EXOC4: variants seen among roughly 807,000 people sequenced by gnomAD.
EXOC4 encodes the protein exocyst complex component 4.
EXOC4 carries 71 observed loss-of-function variants against 107.2 expected under a neutral mutation model. That is an observed-to-expected ratio of 0.66 (90% CI 0.55 to 0.81). The LOEUF (loss-of-function observed/expected upper bound fraction) is 0.81. Among genes scored for constraint, EXOC4 ranks in the 30% least tolerant of loss-of-function variants. The pLI, the probability that EXOC4 is intolerant of heterozygous loss-of-function variation, is 0.00. For missense variants in EXOC4, 1,108 were observed against 1,189.6 expected, an observed-to-expected ratio of 0.93 and a Z score of 1.01; for synonymous variants, 456 against 441.2, an observed-to-expected ratio of 1.03 and a Z score of -0.42.
At chr7:133,468,076 C>G (rs1411640347) in intron 7 of EXOC4, among the ~76,000 whole-genome samples, 1 of 151,988 alleles carries the variant, frequency 6.6e-6, no homozygotes, top group African/African-American at 2.4e-5. Flanking sequence ...CATTTGGAAG[C>G]TATTAAACTG....
At position 133,519,434 on chromosome 7, in the gene EXOC4, A is replaced by G. The variant is rs114623907; in HGVS notation, c.1417+39296A>G. Among the ~76,000 whole-genome samples the G allele has an allele frequency of 6.1e-3, 931 of 152,216 alleles. 12 individuals carry two copies. The highest frequency in any genetic ancestry group is 0.021 in the African/African-American group (884 of 41,524). ...TGAGACCCTATCTTAAAAAAAAGGA[A>G]GTATTAGTTACTCATTTAAATGTTT... On this transcript the variant is annotated intron_variant, in intron 9 of 17. Coordinates refer to ENST00000253861, the MANE Select transcript of EXOC4 (RefSeq NM_021807.4).
At chr7:133,553,525 G>A (rs901773903) in intron 9 of EXOC4, among the ~76,000 whole-genome samples, 5 of 151,894 alleles carry the variant, frequency 3.3e-5, no homozygotes, top group Admixed American at 3.3e-4. Context: ...TGCCACCTAC[G>A]TGCCTGTGCA....
Position 133,741,043 on chromosome 7 carries a change from A to G in EXOC4, c.1515-76282A>G, listed in dbSNP as rs1405249811. 2.6e-5 allele frequency among the ~76,000 whole-genome samples: 4 copies of G among 152,362 alleles called. 1 individual carries two copies. Among genetic ancestry groups the G allele is most frequent in the Admixed American group, 2.0e-4 (3 of 15,308 alleles). On this transcript the variant is annotated intron_variant, in intron 10 of 17. Coordinates refer to ENST00000253861, the MANE Select transcript of EXOC4 (RefSeq NM_021807.4). ...CACATACAGGGTAAATACTGGAGCT[A>G]GAACTTAAATCCAGCCCATCTAACA... is the stretch of plus-strand genomic sequence containing the variant.
chr7:133,819,504 C>CATGGATGGATGG (rs59990439), intron 11 of EXOC4, among the ~76,000 whole-genome samples: 16 of 151,616 alleles, frequency 1.1e-4, no homozygotes, highest in African/African-American at 1.5e-4. Context: ...ATGCATGTTG[C>CATGGATGGATGG]ATGGATGGAT....
intron 2 of EXOC4, among the ~76,000 whole-genome samples, chr7:133,281,430 A>G (rs1236071488): frequency 1.3e-5 from 2 of 150,758 alleles, no homozygotes; most frequent in African/African-American, 2.4e-5. Flanking sequence ...CTATGATAGT[A>G]CTTATATGTA....
At chr7:133,268,361 G>C (rs1278328968) in intron 1 of EXOC4, among the ~76,000 whole-genome samples, 1 of 152,194 alleles carries the variant, frequency 6.6e-6, no homozygotes, top group African/African-American at 2.4e-5. Context: ...TAGTATTCTA[G>C]ATTTGGGTTT....
chr7:133,369,962 GC>G lies in EXOC4; in HGVS notation c.1008-4863del, dbSNP rs1035787199. On this transcript the variant is annotated intron_variant, in intron 6 of 17. Transcript: ENST00000253861. ...TGGGATTACAGGCATGCACCATGAC[GC>G]CCAGCTAATTTTGTACTTTTAGTAG... 8.6e-5 allele frequency among the ~76,000 whole-genome samples: 13 copies of G among 151,982 alleles called. No homozygotes were observed. In the East Asian group the frequency reaches 2.5e-3, roughly 30 times the overall value.
intron 7 of EXOC4, among the ~76,000 whole-genome samples, chr7:133,450,183 T>G (rs552479784): frequency 6.6e-6 from 1 of 152,164 alleles, no homozygotes; most frequent in East Asian, 1.9e-4. Context: ...TATTATTATT[T>G]TTTTTTTGAG....
intron 17 of EXOC4, among the ~76,000 whole-genome samples, chr7:134,010,921 C>T (rs1041837245): frequency 6.6e-6 from 1 of 152,040 alleles, no homozygotes; most frequent in African/African-American, 2.4e-5. Flanking sequence ...TTTTCATGCA[C>T]ACCTTCCCTC....
At chr7:133,284,283 A>G (rs1315191240) in intron 2 of EXOC4, among the ~76,000 whole-genome samples, 3 of 152,230 alleles carry the variant, frequency 2.0e-5, no homozygotes, top group Admixed American at 2.0e-4. Context: ...ACTCTTGATC[A>G]GGAGCCTAGT....
Position 133,858,840 on chromosome 7 carries a change from A to G in EXOC4, c.1735-36759A>G, listed in dbSNP as rs898026599. Among the ~76,000 whole-genome samples, 48 of 152,066 alleles carry G rather than the reference A, an allele frequency of 3.2e-4. 2 individuals carry two copies. The highest frequency in any genetic ancestry group is 1.1e-3 in the African/African-American group (47 of 41,396). ...CAATGTTACAGTCTTAGGTACCTCT[A>G]TGCTTCATCTGTTCTGAACAGCAAG... On this transcript the variant is annotated intron_variant, in intron 11 of 17. Transcript: ENST00000253861.
intron 14 of EXOC4, among the ~76,000 whole-genome samples, chr7:133,990,381 G>T (rs1164317869): frequency 6.8e-6 from 1 of 146,262 alleles, no homozygotes; most frequent in Non-Finnish European, 1.5e-5. Flanking sequence ...TTGTCTTTCT[G>T]TGCTAGCTTA....
chr7:133,484,689 C>T (rs1012045870), intron 9 of EXOC4, among the ~76,000 whole-genome samples: 1 of 152,096 alleles, frequency 6.6e-6, no homozygotes, highest in Non-Finnish European at 1.5e-5. Context: ...AATGTTGTGA[C>T]TATTAACTTA....
chr7:134,083,882 G>T, the EXOC4 span, among the ~76,000 whole-genome samples: 4 of 152,112 alleles, frequency 2.6e-5, no homozygotes, highest in African/African-American at 9.7e-5. Context: ...ATTTTCAAGG[G>T]GGCAAGGTCT....
chr7:133,829,230 C>A (rs1166232201), intron 11 of EXOC4, among the ~76,000 whole-genome samples: 1 of 152,156 alleles, frequency 6.6e-6, no homozygotes, highest in East Asian at 1.9e-4. Flanking sequence ...TTAACGGGGG[C>A]ACAAAACTCT....
chr7:133,895,446 C>T (rs1799283874), intron 11 of EXOC4, among the ~76,000 whole-genome samples, 153 bp from the exon 12 acceptor site: 1 of 152,172 alleles, frequency 6.6e-6, no homozygotes, highest in African/African-American at 2.4e-5. Context: ...GCCATCTTGG[C>T]TCCTCCCCCT....
At chr7:133,652,799 C>G (rs1803194008) in intron 10 of EXOC4, among the ~76,000 whole-genome samples, 1 of 152,216 alleles carries the variant, frequency 6.6e-6, no homozygotes, top group Admixed American at 6.5e-5. Flanking sequence ...TCATCATCAT[C>G]AGTTTTACTT....
intron 17 of EXOC4, among the ~76,000 whole-genome samples, chr7:134,011,988 GC>G (rs1325976351): frequency 6.6e-6 from 1 of 151,978 alleles, no homozygotes; most frequent in East Asian, 1.9e-4. Flanking sequence ...AGGGTGAAGA[GC>G]CAGAGGGAGG....
rs760122404 is a variant in EXOC4 at position 133,317,367 on chromosome 7, A to G, written c.740A>G (p.Tyr247Cys). Residue 247 changes from tyrosine to cysteine, a missense_variant, in exon 5 of 18, where the codon TAT becomes TGT. Coordinates refer to ENST00000253861, the MANE Select transcript of EXOC4 (RefSeq NM_021807.4). ...CGAAAATTCCTTGATACCTCTCACT[A>G]TTCTACTGCTGGAAGCTCAAGTGGT... The part of the protein sequence containing the change: ...TPRKFLDTSH[Y>C]STAGSSSVRE... The G allele has an allele frequency of 8.7e-6, 14 of 1,608,802 alleles. No individual in the cohort carries two copies. The highest frequency in any genetic ancestry group is 3.3e-5 in the Admixed American group (2 of 59,984).
Sources: allele counts gnomAD v4.1 joint callset (sites outside exome capture counted in the v4.1 genomes callset), GRCh38; gene constraint gnomAD v4.1.1; transcripts MANE v1.5; gene names NCBI Gene and HGNC (gene_info 2026-07-23, HGNC 2026-07-21).